The following PLCB1 variants were observed in gnomAD, a reference collection of about 807,000 sequenced individuals.
The protein encoded by PLCB1 is phospholipase C beta 1.
PLCB1 carries 46 observed loss-of-function variants against 161.8 expected under a neutral mutation model. The observed-to-expected ratio is 0.28, with a 90% CI of 0.22 to 0.36. The LOEUF (loss-of-function observed/expected upper bound fraction) is 0.36. Ranked by LOEUF, PLCB1 falls within the 10% of genes least tolerant of loss-of-function variation. The pLI is 1.00. For missense variants in PLCB1, 1,016 were observed against 1,472.5 expected (o/e 0.69, Z 5.07); for synonymous variants, 517 against 503.7 (o/e 1.03, Z -0.35).
intron 2 of PLCB1, among the ~76,000 whole-genome samples, chr20:8,206,164 G>T (rs982306004): frequency 6.6e-6 from 1 of 152,164 alleles, no homozygotes; most frequent in Non-Finnish European, 1.5e-5. Flanking sequence ...TAACACATTT[G>T]TGTGTGCTCT....
chr20:8,548,740 G>C (rs961284675), intron 3 of PLCB1, among the ~76,000 whole-genome samples: 1 of 136,028 alleles, frequency 7.4e-6, no homozygotes, highest in Non-Finnish European at 1.6e-5. Context: ...GAGAACAGTG[G>C]TTGTATTTGG....
chr20:8,391,844 T>TA (rs1987615960), intron 3 of PLCB1, among the ~76,000 whole-genome samples: 3 of 145,734 alleles, frequency 2.1e-5, no homozygotes, highest in Non-Finnish European at 4.5e-5. Flanking sequence ...TATATATATA[T>TA]TACTTGAACT....
intron 3 of PLCB1, among the ~76,000 whole-genome samples, chr20:8,577,431 C>G (rs1321596689): frequency 7.6e-6 from 1 of 131,096 alleles, no homozygotes; most frequent in African/African-American, 3.1e-5. Context: ...GAGCGAGACC[C>G]TGTCTCAAAA....
intron 2 of PLCB1, among the ~76,000 whole-genome samples, chr20:8,366,522 A>C (rs962969539): frequency 6.6e-6 from 1 of 152,242 alleles, no homozygotes; most frequent in Admixed American, 6.5e-5. Flanking sequence ...TAAAAGTCCA[A>C]GGTCTTTTGT....
chr20:8,191,241 G>C (rs959555121), intron 2 of PLCB1, among the ~76,000 whole-genome samples: 18 of 151,926 alleles, frequency 1.2e-4, no homozygotes, highest in African/African-American at 2.9e-4. Context: ...ACATCATGGA[G>C]AACTGGGTAT....
intron 2 of PLCB1, among the ~76,000 whole-genome samples, chr20:8,365,979 C>T (rs1020252747): frequency 8.6e-5 from 13 of 151,684 alleles, no homozygotes; most frequent in African/African-American, 3.1e-4. Flanking sequence ...AAGTGGATTT[C>T]ATGTCTCATC....
chr20:8,834,810 GAAAAAAAAAAA>G (rs10568816), intron 31 of PLCB1, among the ~76,000 whole-genome samples: 37,880 of 87,326 alleles, frequency 0.43, 5,615 homozygotes, highest in Middle Eastern at 0.6. Context: ...CTCTGCCTCA[GAAAAAAAAAAA>G]AAAAAAAAAA....
chr20:8,759,296 A>G (rs1981895469), intron 24 of PLCB1, among the ~76,000 whole-genome samples: 1 of 152,162 alleles, frequency 6.6e-6, no homozygotes, highest in South Asian at 2.1e-4. Context: ...ATCACTGATG[A>G]TATGGGATCA....
At chr20:8,592,481 T>A (rs1243345136) in intron 3 of PLCB1, among the ~76,000 whole-genome samples, 2 of 152,212 alleles carry the variant, frequency 1.3e-5, no homozygotes, top group African/African-American at 4.8e-5. Flanking sequence ...ATTGTTGGCA[T>A]TTCTGGCCAG....
intron 3 of PLCB1, among the ~76,000 whole-genome samples, chr20:8,536,533 GT>G (rs1370779572): frequency 2.6e-5 from 4 of 152,150 alleles, no homozygotes; most frequent in African/African-American, 9.7e-5. Flanking sequence ...CTCTCAAACA[GT>G]TGCAGCAAGA....
At chr20:8,401,360 T>C (rs1978542968) in intron 3 of PLCB1, among the ~76,000 whole-genome samples, 1 of 152,204 alleles carries the variant, frequency 6.6e-6, no homozygotes, top group South Asian at 2.1e-4. Flanking sequence ...ATTAGTCCCT[T>C]TTTAAAAACT....
At chr20:8,508,110 C>G (rs1404499328) in intron 3 of PLCB1, among the ~76,000 whole-genome samples, 1 of 152,084 alleles carries the variant, frequency 6.6e-6, no homozygotes, top group Non-Finnish European at 1.5e-5. Context: ...CAGTGCCTGT[C>G]TGAACAAAGG....
intron 2 of PLCB1, among the ~76,000 whole-genome samples, chr20:8,368,613 T>G (rs1402492092): frequency 2.0e-5 from 3 of 150,482 alleles, no homozygotes; most frequent in African/African-American, 7.4e-5. Context: ...GTGTGAGAGA[T>G]ATATTTTTAT....
At chr20:8,792,068 CTGT>C (rs1983784628) in intron 31 of PLCB1, 1 of 152,458 alleles carries the variant, frequency 6.6e-6, no homozygotes, top group South Asian at 2.1e-4. Context: ...AGAATTTCCA[CTGT>C]TGTTGCCTTC....
At chr20:8,422,778 C>T (rs78518058) in intron 3 of PLCB1, among the ~76,000 whole-genome samples, 3,850 of 152,128 alleles carry the variant, frequency 0.025, 159 homozygotes, top group African/African-American at 0.082. Context: ...TGCCAGTCAG[C>T]GTTACCAGCA....
chr20:8,466,297 G>C (rs1252686613), intron 3 of PLCB1, among the ~76,000 whole-genome samples: 1 of 147,634 alleles, frequency 6.8e-6, no homozygotes, highest in Non-Finnish European at 1.5e-5. Context: ...ACACAGGAAG[G>C]GGAATATCAC....
At chr20:8,139,882 G>T (rs907410688) in intron 1 of PLCB1, among the ~76,000 whole-genome samples, 1 of 152,086 alleles carries the variant, frequency 6.6e-6, no homozygotes. Flanking sequence ...CCTTTTTGAC[G>T]AACATTCTTC....
At chr20:8,232,810 G>T (rs1254332012) in intron 2 of PLCB1, among the ~76,000 whole-genome samples, 1 of 152,096 alleles carries the variant, frequency 6.6e-6, no homozygotes, top group Non-Finnish European at 1.5e-5. Context: ...CTCCTTTCTT[G>T]GTTTAGCACT....
At chr20:8,614,209 C>G (rs183198513) in intron 3 of PLCB1, among the ~76,000 whole-genome samples, 1 of 151,954 alleles carries the variant, frequency 6.6e-6, no homozygotes, top group African/African-American at 2.4e-5. Flanking sequence ...AAAAAATTGT[C>G]AATAACCCAT....
Sources: allele counts gnomAD v4.1 joint callset (sites outside exome capture counted in the v4.1 genomes callset), GRCh38; gene constraint gnomAD v4.1.1; transcripts MANE v1.5; gene names NCBI Gene and HGNC (gene_info 2026-07-23, HGNC 2026-07-21).